THSD7A: variants seen among roughly 807,000 people sequenced by gnomAD.
THSD7A encodes thrombospondin type-1 domain-containing protein 7A.
THSD7A carries 96 observed loss-of-function variants against 231.3 expected under a neutral mutation model. The observed-to-expected ratio is 0.41, with a 90% CI of 0.35 to 0.49. THSD7A has a LOEUF of 0.49. Among genes scored for constraint, THSD7A ranks in the 20% least tolerant of loss-of-function variants. The pLI, the probability that THSD7A is intolerant of heterozygous loss-of-function variation, is 0.05. For synonymous variants in THSD7A, 940 were observed against 743.3 expected (o/e 1.26, Z -4.30); for missense variants, 2,290 against 2,070.2 (o/e 1.11, Z -2.06).
chr7:11,401,896 C>T lies in THSD7A; in HGVS notation c.4310G>A (p.Gly1437Asp). 1 of 1,613,872 alleles carries T rather than the reference C, an allele frequency of 6.2e-7. No individual in the cohort carries two copies. Among genetic ancestry groups the T allele is most frequent in the Non-Finnish European group, 8.5e-7 (1 of 1,179,870 alleles). The stretch of plus-strand genomic sequence containing the variant: ...GGATCTGACCTGTATTCCACCAAAG[C>T]CTAGATCCTCACCATTCACACAGGT... Reference protein sequence around the residue: ...QLTCVNGEDLGFGGIQVRSRP... With the variant: ...QLTCVNGEDLDFGGIQVRSRP... Residue 1437 changes from glycine to aspartate, a missense_variant, in exon 23 of 28, where the codon GGC (glycine) becomes GAC (aspartate). Coordinates refer to ENST00000423059, the MANE Select transcript of THSD7A (RefSeq NM_015204.3).
In THSD7A at chr7:11,637,995, T is replaced by A. The variant is rs1022319399; in HGVS notation, c.191-1034A>T. On this transcript the variant is annotated intron_variant, in intron 1 of 27. Transcript: ENST00000423059. The surrounding 1 kb of genome is among the most constrained non-coding windows in gnomAD (Gnocchi z 4.2). Reference sequence around the variant, plus strand: ...TCCATGAATTTGAGAAATTGTTTGATGTGCCTTAAAGCCATTTTCCATCTG... The same window carrying A: ...TCCATGAATTTGAGAAATTGTTTGAAGTGCCTTAAAGCCATTTTCCATCTG... 5.1e-4 allele frequency among the ~76,000 whole-genome samples: 78 copies of A among 152,288 alleles called. No individual in the cohort carries two copies. The highest frequency in any genetic ancestry group is 1.8e-3 in the African/African-American group (75 of 41,580).
At chr7:11,805,401 T>C (rs1784374349) in intron 1 of THSD7A, among the ~76,000 whole-genome samples, 1 of 152,104 alleles carries the variant, frequency 6.6e-6, no homozygotes, top group African/African-American at 2.4e-5. Context: ...ATCTTGTTAA[T>C]GTAATGTTCT....
intron 2 of THSD7A, among the ~76,000 whole-genome samples, chr7:11,633,032 T>A (rs1392714710): frequency 6.6e-6 from 1 of 152,212 alleles, no homozygotes; most frequent in African/African-American, 2.4e-5. Context: ...CCACCAAATA[T>A]TTTTCCATTT....
intron 6 of THSD7A, among the ~76,000 whole-genome samples, chr7:11,485,387 T>C (rs1436448411): frequency 6.6e-6 from 1 of 152,216 alleles, no homozygotes; most frequent in Non-Finnish European, 1.5e-5. Context: ...ATTCTCCTTA[T>C]ACTTCTCTTC....
rs752700561 is a variant in THSD7A at position 11,546,195 on chromosome 7, G to GGCGTGTGTGTGTGCGCGCGCGC, written c.1454-3079_1454-3078insGCGCGCGCGCACACACACACGC. The stretch of plus-strand genomic sequence containing the variant: ...TTGCTGCTCTGTTGTTGCTGGTGTG[G>GGCGTGTGTGTGTGCGCGCGCGC]GCGCGCGCTCACACACACACACACA... On this transcript the variant is annotated intron_variant, in intron 4 of 27. Transcript: ENST00000423059. 4.1e-3 allele frequency among the ~76,000 whole-genome samples: 320 copies of GGCGTGTGTGTGTGCGCGCGCGC among 78,738 alleles called. 2 individuals are homozygous for GGCGTGTGTGTGTGCGCGCGCGC. The highest frequency in any genetic ancestry group is 0.015 in the African/African-American group (294 of 20,256). The allele number at this position is 78,738 out of a possible 152,430, so 51.7% of individuals were successfully genotyped here.
At chr7:11,560,895 G>A (rs942726493) in intron 4 of THSD7A, among the ~76,000 whole-genome samples, 1 of 152,148 alleles carries the variant, frequency 6.6e-6, no homozygotes, top group African/African-American at 2.4e-5. Flanking sequence ...GAATGGAGAT[G>A]TAATTTATTT....
intron 27 of THSD7A, among the ~76,000 whole-genome samples, chr7:11,376,245 A>G (rs1180198843): frequency 6.6e-6 from 1 of 152,114 alleles, no homozygotes; most frequent in Non-Finnish European, 1.5e-5. Flanking sequence ...CTTGAATATG[A>G]TTAGGTATTA....
chr7:11,588,970 T>A (rs79116813), intron 4 of THSD7A, among the ~76,000 whole-genome samples: 3,144 of 152,316 alleles, frequency 0.021, 102 homozygotes, highest in African/African-American at 0.072. Context: ...AACAATTAAA[T>A]TTTGAAAGTT....
At chr7:11,702,388 G>C (rs1218679405) in intron 1 of THSD7A, among the ~76,000 whole-genome samples, 1 of 151,208 alleles carries the variant, frequency 6.6e-6, no homozygotes, top group African/African-American at 2.4e-5. Context: ...TATTCTTGCT[G>C]TTTGTCAGTA....
intron 10 of THSD7A, among the ~76,000 whole-genome samples, chr7:11,461,623 A>G (rs889857541): frequency 1.3e-5 from 2 of 152,228 alleles, no homozygotes; most frequent in African/African-American, 2.4e-5. Flanking sequence ...TTATGATTAC[A>G]AACAGGTGCT....
intron 13 of THSD7A, among the ~76,000 whole-genome samples, chr7:11,438,092 G>A (rs78515513): frequency 0.017 from 2,555 of 151,832 alleles, 60 homozygotes; most frequent in African/African-American, 0.054. Context: ...CATGTGTACT[G>A]GAGCCCTGAG....
chr7:11,471,656 G>C (rs1785944026), intron 8 of THSD7A, among the ~76,000 whole-genome samples: 1 of 151,882 alleles, frequency 6.6e-6, no homozygotes, highest in African/African-American at 2.4e-5. Context: ...GATTTATCTT[G>C]CGCTGGAATT....
rs1268495229 is a variant in THSD7A, at chr7:11,370,691, G to T, written c.*5103C>A. The T allele has an allele frequency of 6.6e-6, 1 of 152,062 alleles. No homozygotes were observed. Among genetic ancestry groups the T allele is most frequent in the Non-Finnish European group, 1.5e-5 (1 of 67,996 alleles). 9.4% of individuals were successfully genotyped at this position (152,062 alleles called of 1,614,324 possible). On this transcript the variant is annotated 3_prime_UTR_variant, in exon 28 of 28. Coordinates refer to ENST00000423059, the MANE Select transcript of THSD7A (RefSeq NM_015204.3). ...TAATATTAACAAAAATTCTTAGACA[G>T]CTGCCTCCTTATTTAAACAAAATAA...
intron 6 of THSD7A, among the ~76,000 whole-genome samples, chr7:11,486,823 C>T (rs192015854): frequency 1.3e-5 from 2 of 152,130 alleles, no homozygotes; most frequent in African/African-American, 2.4e-5. Flanking sequence ...TATAAACAAA[C>T]CTGCCAAAAT....
chr7:11,618,915 G>T (rs960727661), intron 2 of THSD7A, among the ~76,000 whole-genome samples: 1 of 151,888 alleles, frequency 6.6e-6, no homozygotes, highest in African/African-American at 2.4e-5. Flanking sequence ...ATAGGGTTCA[G>T]AGTGGTAAGA....
rs1785185149 is a variant in THSD7A at position 11,831,326 on chromosome 7, T to C, written c.190+431A>G. On this transcript the variant is annotated intron_variant, in intron 1 of 27. Coordinates refer to ENST00000423059, the MANE Select transcript of THSD7A (RefSeq NM_015204.3). This position sits in a 1 kb window ranked among gnomAD's most constrained non-coding sequence, Gnocchi z 5.0. ...TGAGGTGTCCCACATATCACAAAGC[T>C]AAAGTTAACAAATTCAACTCTATAT... is the stretch of plus-strand genomic sequence containing the variant. Among the ~76,000 whole-genome samples the C allele has an allele frequency of 6.6e-6, 1 of 152,204 alleles. No individual in the cohort carries two copies. Among genetic ancestry groups the C allele is most frequent in the South Asian group, 2.1e-4 (1 of 4,836 alleles).
chr7:11,424,754 C>T lies in THSD7A; in HGVS notation c.3325G>A (p.Val1109Met), dbSNP rs777842696. The T allele has an allele frequency of 3.0e-5, 49 of 1,613,856 alleles. No individual in the cohort carries two copies. The highest frequency in any genetic ancestry group is 3.7e-5 in the Non-Finnish European group (44 of 1,179,896). The change falls in exon 16 of 28, where the codon GTG becomes ATG. Residue 1109 changes from valine to methionine, a missense_variant. Val to Met is a conservative substitution (Grantham distance 21). Coordinates refer to ENST00000423059, the MANE Select transcript of THSD7A (RefSeq NM_015204.3). ...TTCTCCCGCATATTCACAAAGGTCA[C>T]CTTGCAGATGCTCCAGGGCTCTGTG... ...WVTEPWSICKVTFVNMRENCG... is the reference protein window; with the variant it reads ...WVTEPWSICKMTFVNMRENCG...
chr7:11,373,083 A>G lies in THSD7A; in HGVS notation c.*2711T>C, dbSNP rs950237175. 1 of 151,348 alleles carries G rather than the reference A, an allele frequency of 6.6e-6. No homozygotes were observed. Among genetic ancestry groups the G allele is most frequent in the Non-Finnish European group, 1.5e-5 (1 of 67,724 alleles). The allele number at this position is 151,348 out of a possible 1,614,324, so 9.4% of individuals were successfully genotyped here. Reference sequence around the variant, plus strand: ...GGTGTGTGTGTGTGTGTGTGTATATATATATATGCATGCATATATGCTGTA... The same window carrying G: ...GGTGTGTGTGTGTGTGTGTGTATATGTATATATGCATGCATATATGCTGTA... On this transcript the variant is annotated 3_prime_UTR_variant, in exon 28 of 28. Coordinates refer to ENST00000423059, the MANE Select transcript of THSD7A (RefSeq NM_015204.3).
intron 6 of THSD7A, among the ~76,000 whole-genome samples, chr7:11,493,102 CATTTGTAAGA>C (rs756046295): frequency 2.4e-4 from 36 of 152,120 alleles, no homozygotes; most frequent in Non-Finnish European, 4.7e-4. Flanking sequence ...GCGTTATTAA[CATTTGTAAGA>C]ATTTGTAATA....
Sources: gnomAD v4.1 joint callset for allele counts (sites outside exome capture counted in the v4.1 genomes callset) on GRCh38, gnomAD v4.1.1 for gene constraint, Gnocchi (gnomAD v3.1) non-coding constraint, MANE v1.5 for transcripts, NCBI Gene and HGNC (gene_info 2026-07-23, HGNC 2026-07-21) for gene names.